ANKFN1: variants seen among roughly 807,000 people sequenced by gnomAD.
ANKFN1 encodes ankyrin repeat and fibronectin type III domain containing 1, also known as ankyrin repeat and fibronectin type-III domain-containing protein 1.
In ANKFN1, 74 loss-of-function variants were observed where a neutral mutation model predicts 108.7. The ratio of observed to expected loss-of-function variants is 0.68; its 90% CI spans 0.56 to 0.83. The LOEUF (loss-of-function observed/expected upper bound fraction) is 0.83, where lower values mean the gene tolerates loss of function less well. Ranked by LOEUF, ANKFN1 falls within the 40% of genes least tolerant of loss-of-function variation. The pLI, the probability that ANKFN1 is intolerant of heterozygous loss-of-function variation, is 0.00. For synonymous variants in ANKFN1, 547 were observed against 516.2 expected (o/e 1.06, Z -0.81); for missense variants, 1,505 against 1,382.3 (o/e 1.09, Z -1.41).
chr17:56,135,301 G>C (rs140451577), intron 4 of ANKFN1, among the ~76,000 whole-genome samples: 36 of 152,266 alleles, frequency 2.4e-4, no homozygotes, highest in Non-Finnish European at 4.6e-4. Context: ...GTGTGTGTGA[G>C]TTAACCTCAC....
At chr17:56,280,438 G>A (rs752925625) in intron 3 of ANKFN1, among the ~76,000 whole-genome samples, 1 of 152,056 alleles carries the variant, frequency 6.6e-6, no homozygotes, top group Non-Finnish European at 1.5e-5. Flanking sequence ...CCACCTCCAG[G>A]ATTTACACCA....
intron 4 of ANKFN1, among the ~76,000 whole-genome samples, chr17:56,335,206 T>C (rs951965787): frequency 1.5e-4 from 23 of 152,198 alleles, no homozygotes; most frequent in African/African-American, 4.8e-4. Context: ...ATGCGGGCTC[T>C]TTTTTGGTTC....
chr17:56,402,021 C>T (rs931573842), intron 8 of ANKFN1, among the ~76,000 whole-genome samples: 4 of 152,124 alleles, frequency 2.6e-5, no homozygotes, highest in African/African-American at 9.7e-5. Context: ...GTTAAACCAT[C>T]TCTGCATCCC....
At chr17:56,446,261 T>C (rs1041417206) in intron 10 of ANKFN1, among the ~76,000 whole-genome samples, 1 of 152,170 alleles carries the variant, frequency 6.6e-6, no homozygotes, top group Non-Finnish European at 1.5e-5. Context: ...TGCATTGGCA[T>C]GTTCAGGGAC....
At chr17:56,074,169 CTG>C (rs1413176988) in intron 4 of ANKFN1, among the ~76,000 whole-genome samples, 1 of 152,154 alleles carries the variant, frequency 6.6e-6, no homozygotes, top group Admixed American at 6.5e-5. Context: ...AGCTTCCTCT[CTG>C]GATAAAATAT....
At chr17:56,145,738 T>C (rs561387425) in intron 4 of ANKFN1, among the ~76,000 whole-genome samples, 1 of 152,246 alleles carries the variant, frequency 6.6e-6, no homozygotes, top group East Asian at 1.9e-4. Flanking sequence ...TCCTCACATT[T>C]CAAAACCAAT....
At chr17:56,227,818 T>G in intron 2 of ANKFN1, 99 bp from the exon 3 acceptor site, 1 of 929,270 alleles carries the variant, frequency 1.1e-6, no homozygotes, top group Non-Finnish European at 1.6e-6. Context: ...TTCTCTCTCT[T>G]TTTTTTTTCA....
At chr17:56,143,555 G>C (rs1908054636) in intron 4 of ANKFN1, among the ~76,000 whole-genome samples, 2 of 152,250 alleles carry the variant, frequency 1.3e-5, no homozygotes, top group South Asian at 4.1e-4. Context: ...CTTTGCAGTA[G>C]ATTGAATTGT....
At position 56,055,566 on chromosome 17, in the gene ANKFN1, C is replaced by CATATATATACATAT. The variant is rs1555588764; in HGVS notation, c.288+9250_288+9251insCATATATATATATA. ...TATATGTGTGTGTGTGGTATATATACATATATATATATATATATATATGTA... is the reference window on the plus strand; with the variant it reads ...TATATGTGTGTGTGTGGTATATATACATATATATACATATATATATATATATATATATATATGTA... On this transcript the variant is annotated intron_variant, in intron 4 of 12. Coordinates refer to the ANKFN1 transcript ENST00000635860. Among the ~76,000 whole-genome samples the CATATATATACATAT allele has an allele frequency of 5.5e-4, 26 of 47,460 alleles. 2 individuals carry two copies. The highest frequency in any genetic ancestry group is 3.0e-3 in the African/African-American group (23 of 7,580). 31.1% of individuals were successfully genotyped at this position (47,460 alleles called of 152,430 possible).
At chr17:56,457,452 T>G in intron 13 of ANKFN1, 63 bp downstream of exon 13, 1 of 1,488,648 alleles carries the variant, frequency 6.7e-7, no homozygotes, top group Non-Finnish European at 9.0e-7. Context: ...CAAAAATCTC[T>G]GAAACATTAG....
At chr17:56,446,167 C>T (rs977414975) in intron 10 of ANKFN1, among the ~76,000 whole-genome samples, 11 of 152,140 alleles carry the variant, frequency 7.2e-5, no homozygotes, top group African/African-American at 2.7e-4. Context: ...TCAGATGGAG[C>T]TCGCCTCTGA....
At chr17:56,386,228 A>G (rs1368500590) in intron 8 of ANKFN1, among the ~76,000 whole-genome samples, 5 of 151,716 alleles carry the variant, frequency 3.3e-5, no homozygotes, top group African/African-American at 4.8e-5. Flanking sequence ...AGGACAAAAA[A>G]CCAAACACCA....
chr17:56,171,439 G>C (rs761670068), intron 1 of ANKFN1, among the ~76,000 whole-genome samples: 1 of 152,096 alleles, frequency 6.6e-6, no homozygotes, highest in African/African-American at 2.4e-5. Flanking sequence ...GCAAACCAAC[G>C]GTCTACAGCA....
intron 4 of ANKFN1, among the ~76,000 whole-genome samples, chr17:56,146,702 A>C (rs984178607): frequency 9.2e-5 from 14 of 152,200 alleles, no homozygotes; most frequent in Non-Finnish European, 2.9e-5. Context: ...TGTATAAAGC[A>C]GGGAGGCCCT....
At chr17:56,185,712 G>A (rs1282451965) in intron 1 of ANKFN1, among the ~76,000 whole-genome samples, 1 of 152,104 alleles carries the variant, frequency 6.6e-6, no homozygotes, top group African/African-American at 2.4e-5. Flanking sequence ...TCTCTGTCTG[G>A]CACAAGTTGC....
chr17:56,185,179 A>G (rs1369158691), intron 1 of ANKFN1, among the ~76,000 whole-genome samples: 3 of 152,296 alleles, frequency 2.0e-5, no homozygotes, highest in East Asian at 1.9e-4. Flanking sequence ...TATATGGTAC[A>G]TATATACTGA....
At chr17:56,263,558 T>G (rs2043574597) in intron 3 of ANKFN1, among the ~76,000 whole-genome samples, 1 of 152,222 alleles carries the variant, frequency 6.6e-6, no homozygotes, top group Non-Finnish European at 1.5e-5. Flanking sequence ...AAAGAAGATA[T>G]GTGGGCTTTC....
Position 56,350,766 on chromosome 17 carries a change from G to A in ANKFN1, c.189G>A (p.Trp63Ter). 1 of 1,613,336 alleles carries A rather than the reference G, an allele frequency of 6.2e-7. No homozygotes were observed. The change falls in exon 5 of 21, where the codon TGG (tryptophan) becomes TGA (stop). Residue 63 changes from tryptophan to a stop codon, truncating the protein, a stop_gained and splice_region_variant. Coordinates refer to ENST00000682825, the MANE Select transcript of ANKFN1 (RefSeq NM_001370326.1). LOFTEE classifies it high-confidence loss of function. Reference protein sequence around the residue: ...CSSAASNSINWNCRVKMTQQM... With the variant: ...CSSAASNSIN ...TAACATCGGACTTTCCTCTTCTTAG[G>A]AATTGTCGTGTGAAAATGACGCAAC... is the stretch of plus-strand genomic sequence containing the variant.
At chr17:56,276,467 A>G (rs1173913546) in intron 3 of ANKFN1, among the ~76,000 whole-genome samples, 1 of 152,182 alleles carries the variant, frequency 6.6e-6, no homozygotes, top group African/African-American at 2.4e-5. Context: ...CACTCCCACC[A>G]ACACTGGAAA....
Sources: allele counts gnomAD v4.1 joint callset (sites outside exome capture counted in the v4.1 genomes callset), GRCh38; gene constraint gnomAD v4.1.1; transcripts MANE v1.5; gene names NCBI Gene and HGNC (gene_info 2026-07-23, HGNC 2026-07-21).